NBPF9: variants seen among roughly 807,000 people sequenced by gnomAD.
The protein encoded by NBPF9 is NBPF family member NBPF9.
Under a neutral mutation model 97.8 loss-of-function variants are expected in NBPF9, and 91 were observed. The ratio of observed to expected loss-of-function variants is 0.93; its 90% CI spans 0.79 to 1.11. The LOEUF (loss-of-function observed/expected upper bound fraction) is 1.11, where lower values mean the gene tolerates loss of function less well. NBPF9 is among the 50% of genes least tolerant of loss of function. The pLI is 0.00. For missense variants in NBPF9, 992 were observed against 939.5 expected, an observed-to-expected ratio of 1.06 and a Z score of -0.73; for synonymous variants, 334 against 359.5, an observed-to-expected ratio of 0.93 and a Z score of 0.80.
chr1:149,068,111 G>T (rs1553652180), intron 17 of NBPF9, among the ~76,000 whole-genome samples: 1 of 147,710 alleles, frequency 6.8e-6, no homozygotes. Context: ...TGCCTTACAA[G>T]AGCTCCTAAA....
rs587619934 is a variant in NBPF9 at position 149,082,439 on chromosome 1, G to A, written c.-194-9C>T. ...GCGTGCCAGGTAACCGTCTGCAGTT[G>A]CAATAACAGAATTAGAAGGTGGGGG... On this transcript the variant is annotated splice_polypyrimidine_tract_variant and intron_variant, in intron 5 of 29. Transcript: ENST00000584027. The A allele has an allele frequency of 1.4e-3, 1,152 of 836,414 alleles. 24 individuals carry two copies. In the South Asian group the frequency reaches 0.017, roughly 13 times the overall value. 51.8% of individuals were successfully genotyped at this position (836,414 alleles called of 1,614,324 possible).
chr1:149,062,811 C>A, intron 21 of NBPF9, 51 bp downstream of exon 21: 1 of 732,152 alleles, frequency 1.4e-6, no homozygotes, highest in Non-Finnish European at 2.5e-6. Flanking sequence ...CTGGACCTGG[C>A]ATCTCCAGGT....
chr1:149,073,138 T>A (rs1304391017), intron 13 of NBPF9, among the ~76,000 whole-genome samples: 2 of 148,872 alleles, frequency 1.3e-5, no homozygotes, highest in South Asian at 2.2e-4. Flanking sequence ...TCCTGCAAGA[T>A]CCTCGATGAT....
chr1:149,062,343 A>T (rs1553650291), intron 21 of NBPF9, 78 bp from the exon 22 acceptor site: 1 of 614,846 alleles, frequency 1.6e-6, no homozygotes, highest in East Asian at 2.7e-5. Flanking sequence ...TTCATGGCTA[A>T]CATAAGGAAC....
At chr1:149,052,620 A>G (rs2077976348), downstream of NBPF9, among the ~76,000 whole-genome samples, 1 of 150,688 alleles carries the variant, frequency 6.6e-6, no homozygotes, top group African/African-American at 2.4e-5. Context: ...TTCAGCCTCC[A>G]TAATCTCAGA....
chr1:149,089,565 G>A (rs587710424), intron 5 of NBPF9, among the ~76,000 whole-genome samples: 4 of 152,416 alleles, frequency 2.6e-5, no homozygotes, highest in African/African-American at 9.6e-5. Flanking sequence ...ATGGAAATGA[G>A]TGGAGAGTGG....
At chr1:149,065,021 AC>A (rs1553651342) in intron 18 of NBPF9, 1 of 558,962 alleles carries the variant, frequency 1.8e-6, no homozygotes, top group African/African-American at 1.9e-5. Flanking sequence ...ATGAGCTAAA[AC>A]AAGCGAACTT....
exon 5 of NBPF9, chr1:149,090,892 G>A (rs2081367855): frequency 6.0e-6 from 3 of 502,690 alleles, no homozygotes; most frequent in Non-Finnish European, 1.0e-5. Context: ...TTATCTTCAA[G>A]GGCTACCAAG....
rs1341803065 is a variant in NBPF9 at position 149,074,194 on chromosome 1, T to A, written c.989-324A>T. ...GGCCACTTTCCCAAGCTTTGCAGCC[T>A]CTCCTCTAAAACACTGCACTGGGGC... is the stretch of plus-strand genomic sequence containing the variant. On this transcript the variant is annotated intron_variant, in intron 12 of 29. Coordinates refer to ENST00000584027, the Ensembl canonical transcript of NBPF9. Among the ~76,000 whole-genome samples the A allele has an allele frequency of 1.3e-4, 19 of 151,480 alleles. 1 individual carries two copies. The highest frequency in any genetic ancestry group is 6.6e-5 in the Admixed American group (1 of 15,190).
chr1:149,098,027 G>T (rs1459301584), intron 4 of NBPF9, among the ~76,000 whole-genome samples: 2 of 152,058 alleles, frequency 1.3e-5, no homozygotes, highest in African/African-American at 4.8e-5. Context: ...TAGCCTGGGG[G>T]ATGCAGGTGG....
exon 30 of NBPF9, chr1:149,054,317 A>C (rs1310430749): frequency 1.7e-5 from 2 of 115,542 alleles, no homozygotes; most frequent in African/African-American, 6.4e-5. Context: ...AGACACAGGC[A>C]GGGAGGATTA....
At chr1:149,061,806 A>T in intron 22 of NBPF9, 1 of 315,108 alleles carries the variant, frequency 3.2e-6, no homozygotes. Context: ...TTGAGTCCAA[A>T]TCATACTTCT....
At chr1:149,055,685 A>T (rs1553648633) in exon 30 of NBPF9, 3 of 1,611,938 alleles carry the variant, frequency 1.9e-6, no homozygotes. Context: ...TCCATCTGGA[A>T]CACCAGGTGG....
chr1:149,094,923 G>C (rs2081641053), intron 4 of NBPF9, among the ~76,000 whole-genome samples: 1 of 147,530 alleles, frequency 6.8e-6, no homozygotes, highest in Non-Finnish European at 1.5e-5. Context: ...AGGGTAGCCT[G>C]GCTAGAACAT....
chr1:149,101,804 G>C (rs2082160052), intron 2 of NBPF9, among the ~76,000 whole-genome samples: 1 of 151,504 alleles, frequency 6.6e-6, no homozygotes, highest in Non-Finnish European at 1.5e-5. Context: ...GTAATACTAA[G>C]TTTTATCATT....
At chr1:149,055,873 T>C (rs782530341) in exon 30 of NBPF9, 50 of 1,610,610 alleles carry the variant, frequency 3.1e-5, no homozygotes, top group Non-Finnish European at 3.7e-5. Flanking sequence ...TTCAGGCTCT[T>C]CCACTTCCAT....
intron 4 of NBPF9, among the ~76,000 whole-genome samples, chr1:149,097,185 G>A (rs1471588530): frequency 2.6e-5 from 4 of 151,494 alleles, no homozygotes; most frequent in Admixed American, 2.0e-4. Flanking sequence ...AGGGAGAGAA[G>A]TAGGGAAGGA....
intron 7 of NBPF9, among the ~76,000 whole-genome samples, chr1:149,081,557 C>CTTGGGCCTCAACGGCAAT (rs2080447596): frequency 6.6e-6 from 1 of 152,030 alleles, no homozygotes; most frequent in African/African-American, 2.4e-5. Flanking sequence ...AGCTTTGCCT[C>CTTGGGCCTCAACGGCAAT]TTGGGCCTCA....
intron 14 of NBPF9, among the ~76,000 whole-genome samples, chr1:149,072,326 A>G (rs2079479470): frequency 6.6e-6 from 1 of 152,172 alleles, no homozygotes; most frequent in South Asian, 2.1e-4. Flanking sequence ...AGACAAACTC[A>G]GGAAGGACAA....
Sources: gnomAD v4.1 joint callset for allele counts (sites outside exome capture counted in the v4.1 genomes callset) on GRCh38, gnomAD v4.1.1 for gene constraint, MANE v1.5 for transcripts, NCBI Gene and HGNC (gene_info 2026-07-23, HGNC 2026-07-21) for gene names.